WNT2B: variants seen among roughly 807,000 people sequenced by gnomAD.
WNT2B encodes the protein Wnt family member 2B, also known as protein Wnt-2b.
A neutral mutation model predicts 40.5 loss-of-function variants in WNT2B; 19 were observed. The ratio of observed to expected loss-of-function variants is 0.47; its 90% CI spans 0.33 to 0.69. The LOEUF is 0.69. Among genes scored for constraint, WNT2B ranks in the 30% least tolerant of loss-of-function variants. The pLI is 0.02. For missense variants in WNT2B, 467 were observed against 556.4 expected, an observed-to-expected ratio of 0.84 and a Z score of 1.62; for synonymous variants, 220 against 211.9, an observed-to-expected ratio of 1.04 and a Z score of -0.33.
chr1:112,486,171 T>C (rs1651412780), intron 1 of WNT2B, among the ~76,000 whole-genome samples: 1 of 98,734 alleles, frequency 1.0e-5, no homozygotes, highest in Non-Finnish European at 2.0e-5. Flanking sequence ...GGCTGGGTGC[T>C]GTGGCTCATG....
chr1:112,476,669 C>T (rs1220288127), intron 1 of WNT2B, among the ~76,000 whole-genome samples: 2 of 152,162 alleles, frequency 1.3e-5, no homozygotes, highest in Non-Finnish European at 2.9e-5. Flanking sequence ...GCAGGAGGAC[C>T]CCAGCATCCT....
At chr1:112,498,895 CT>C (rs1651860340) in intron 1 of WNT2B, among the ~76,000 whole-genome samples, 1 of 152,114 alleles carries the variant, frequency 6.6e-6, no homozygotes, top group Non-Finnish European at 1.5e-5. Context: ...GTTCCAGCCT[CT>C]ATCCATTACC....
At chr1:112,503,229 G>T (rs1652011351) in intron 1 of WNT2B, among the ~76,000 whole-genome samples, 1 of 152,134 alleles carries the variant, frequency 6.6e-6, no homozygotes, top group Non-Finnish European at 1.5e-5. Context: ...TGACTTCAGG[G>T]TCAGATTTAG....
chr1:112,517,513 C>A, intron 4 of WNT2B, 128 bp downstream of exon 4: 2 of 1,187,896 alleles, frequency 1.7e-6, no homozygotes, highest in Non-Finnish European at 2.3e-6. Context: ...GTTTCCTCTC[C>A]ACATGAACAC....
rs770620305 is a variant in WNT2B, at chr1:112,526,136, A to G, written c.*5627A>G. 33 of 1,613,850 alleles carry G rather than the reference A, an allele frequency of 2.0e-5. No homozygotes were observed. Among genetic ancestry groups the G allele is most frequent in the Non-Finnish European group, 2.8e-5 (33 of 1,179,958 alleles). On this transcript the variant is annotated 3_prime_UTR_variant, in exon 5 of 5. Transcript: ENST00000369684. ...CCTTCAAAACAGAAATTGATACAAAATGTTCAAGCCCTGTAGGAGTCCCAG... is the reference window on the plus strand; with the variant it reads ...CCTTCAAAACAGAAATTGATACAAAGTGTTCAAGCCCTGTAGGAGTCCCAG...
At chr1:112,503,509 A>G (rs1243588412) in intron 1 of WNT2B, among the ~76,000 whole-genome samples, 1 of 152,148 alleles carries the variant, frequency 6.6e-6, no homozygotes, top group African/African-American at 2.4e-5. Context: ...AAACATACAC[A>G]CCAAGGAAAA....
chr1:112,503,855 G>C (rs1379134408), intron 1 of WNT2B, among the ~76,000 whole-genome samples: 1 of 152,124 alleles, frequency 6.6e-6, no homozygotes, highest in Non-Finnish European at 1.5e-5. Context: ...GAGCCAGAGA[G>C]AGACCCAGGG....
chr1:112,492,419 G>A (rs1440146956), intron 1 of WNT2B, among the ~76,000 whole-genome samples: 2 of 152,182 alleles, frequency 1.3e-5, no homozygotes, highest in African/African-American at 4.8e-5. Flanking sequence ...TGTAATTGAT[G>A]AATTGCTGGA....
At chr1:112,517,443 G>A (rs571305868) in intron 4 of WNT2B, 58 bp downstream of exon 4, 13 of 1,547,924 alleles carry the variant, frequency 8.4e-6, no homozygotes, top group Non-Finnish European at 1.1e-5. Context: ...AGGCACCCCT[G>A]GTTAATCATG....
intron 1 of WNT2B, among the ~76,000 whole-genome samples, chr1:112,479,379 G>T (rs1651150746): frequency 6.6e-6 from 1 of 151,928 alleles, no homozygotes; most frequent in Non-Finnish European, 1.5e-5. Flanking sequence ...TTTGAGACCA[G>T]CCTGGCCAAC....
rs1213017791 is a variant in WNT2B, at chr1:112,474,917, TG to T, written c.-95+7327del. Among the ~76,000 whole-genome samples the T allele has an allele frequency of 3.3e-5, 5 of 152,142 alleles. No homozygotes were observed. The South Asian group carries it at 8.3e-4, about 25-fold the overall frequency. ...CACACACACACCCAGCTCTCTCTCT[TG>T]CTCCTGCTTTGGCCATGTGATGTGC... On this transcript the variant is annotated intron_variant, in intron 1 of 4. Coordinates refer to the WNT2B transcript ENST00000256640.
At chr1:112,484,708 C>T (rs370586347) in intron 1 of WNT2B, among the ~76,000 whole-genome samples, 17 of 150,926 alleles carry the variant, frequency 1.1e-4, no homozygotes, top group African/African-American at 4.1e-4. Flanking sequence ...CAGGCTGCAA[C>T]TCCAGCCTGG....
upstream of WNT2B, chr1:112,508,691 G>A (rs1342241949): frequency 1.0e-6 from 1 of 984,712 alleles, no homozygotes; most frequent in Non-Finnish European, 1.2e-6. This position sits in a 1 kb window ranked among gnomAD's most constrained non-coding sequence, Gnocchi z 4.2. Context: ...CTGAGTGAAG[G>A]GCGCTAGGAC....
At chr1:112,475,158 A>T (rs1397710841) in intron 1 of WNT2B, among the ~76,000 whole-genome samples, 1 of 152,108 alleles carries the variant, frequency 6.6e-6, no homozygotes, top group African/African-American at 2.4e-5. Context: ...GAGAGTCATC[A>T]TCTCTCCTCT....
In WNT2B at chr1:112,514,939, G is replaced by A. The variant is rs764978318; in HGVS notation, c.248G>A (p.Arg83Gln). 4 of 1,614,228 alleles carry A rather than the reference G, an allele frequency of 2.5e-6. No individual in the cohort carries two copies. Among genetic ancestry groups the A allele is most frequent in the Admixed American group, 1.7e-5 (1 of 60,018 alleles). Residue 83 changes from arginine (R) to glutamine (Q), a missense_variant, in exon 2 of 5, where the codon CGG (arginine) becomes CAG (glutamine). Transcript: ENST00000369684. The part of the protein sequence containing the change: ...DNIPGLVSRQ[R>Q]QLCQRYPDIM... ...ATCCCTGGTTTGGTGAGCCGGCAGC[G>A]GCAGCTGTGCCAGCGTTACCCAGAC... is the stretch of plus-strand genomic sequence containing the variant.
chr1:112,518,466 G>A (rs1163712166), intron 4 of WNT2B: 6 of 152,092 alleles, frequency 3.9e-5, no homozygotes, highest in Non-Finnish European at 5.9e-5. Flanking sequence ...AAAAAGGGTG[G>A]GGCTCTACCC....
chr1:112,490,267 G>A (rs1353499691), intron 1 of WNT2B, among the ~76,000 whole-genome samples: 1 of 152,152 alleles, frequency 6.6e-6, no homozygotes, highest in African/African-American at 2.4e-5. Flanking sequence ...TTGGAGAAAG[G>A]TCCTGGGGGA....
chr1:112,504,484 C>T (rs764681142), upstream of WNT2B, among the ~76,000 whole-genome samples: 4 of 152,114 alleles, frequency 2.6e-5, no homozygotes, highest in Non-Finnish European at 4.4e-5. Context: ...CGTTCCACGC[C>T]TCGCCTAAGA....
chr1:112,483,539 G>A (rs1480491019), intron 1 of WNT2B, among the ~76,000 whole-genome samples: 1 of 150,494 alleles, frequency 6.6e-6, no homozygotes, highest in Admixed American at 6.6e-5. Context: ...GAAAACATAG[G>A]GGAACATTTT....
Sources: allele counts gnomAD v4.1 joint callset (sites outside exome capture counted in the v4.1 genomes callset), GRCh38; gene constraint gnomAD v4.1.1; non-coding constraint Gnocchi (gnomAD v3.1); transcripts MANE v1.5; gene names NCBI Gene and HGNC (gene_info 2026-07-23, HGNC 2026-07-21).